Variants in EML5 observed in about 807,000 individuals in gnomAD.
The protein encoded by EML5 is EMAP like 5.
Under a neutral mutation model 250.0 loss-of-function variants are expected in EML5, and 120 were observed. That is an observed-to-expected ratio of 0.48 (90% confidence interval 0.41 to 0.56). The LOEUF (loss-of-function observed/expected upper bound fraction) is 0.56, where lower values mean the gene tolerates loss of function less well. Among genes scored for constraint, EML5 ranks in the 20% least tolerant of loss-of-function variants. EML5 has a pLI of 0.00. For synonymous variants in EML5, 771 were observed against 806.5 expected (o/e 0.96, Z 0.75); for missense variants, 2,006 against 2,437.6 (o/e 0.82, Z 3.73).
At chr14:88,730,262 C>G (rs1001476912) in intron 7 of EML5, among the ~76,000 whole-genome samples, 2 of 152,154 alleles carry the variant, frequency 1.3e-5, no homozygotes, top group Non-Finnish European at 2.9e-5. Flanking sequence ...AAGCACTCAT[C>G]ACAATTTTTC....
chr14:88,621,346 T>A lies in EML5; in HGVS notation c.5014-45A>T, dbSNP rs780451094. Reference sequence around the variant, plus strand: ...AATACAGTGAATGTAATACAACAGCTGCTTTTCTTCTTCATAATATAAAAA... The same window carrying A: ...AATACAGTGAATGTAATACAACAGCAGCTTTTCTTCTTCATAATATAAAAA... On this transcript the variant is annotated intron_variant, in intron 37 of 43. Transcript: ENST00000554922. 2.0e-5 allele frequency: 32 copies of A among 1,605,260 alleles called. No homozygotes were observed. The Admixed American group carries it at 2.0e-4, about 10-fold the overall frequency.
At chr14:88,761,041 T>C (rs1449390805) in intron 1 of EML5, among the ~76,000 whole-genome samples, 1 of 152,072 alleles carries the variant, frequency 6.6e-6, no homozygotes, top group African/African-American at 2.4e-5. Flanking sequence ...AGGAGTAGTG[T>C]TTTTTGTGTG....
intron 3 of EML5, among the ~76,000 whole-genome samples, chr14:88,745,116 G>A (rs2093984391): frequency 6.6e-6 from 1 of 150,994 alleles, no homozygotes; most frequent in Non-Finnish European, 1.5e-5. Context: ...GAACATGCCA[G>A]CTGTCTAATA....
rs778325916 is a variant in EML5, at chr14:88,625,116, C to T, written c.4752G>A (p.Thr1584=). The change falls in exon 36 of 44, where the codon ACG becomes ACA. Residue 1584 remains threonine (T), a synonymous_variant. Transcript: ENST00000554922. ...LAIAFGANNL[T]FTGTISGDVC... is the part of the protein sequence containing the mutation. ...CATCACCACTGATGGTACCTGTAAA[C>T]GTCAAGTTATTCTGAAAAGGAGTGG... The T allele has an allele frequency of 4.3e-6, 7 of 1,613,424 alleles. No individual in the cohort carries two copies. Among genetic ancestry groups the T allele is most frequent in the African/African-American group, 2.7e-5 (2 of 74,864 alleles).
chr14:88,733,620 T>C (rs1297241326), intron 7 of EML5, among the ~76,000 whole-genome samples: 2 of 152,122 alleles, frequency 1.3e-5, no homozygotes, highest in African/African-American at 4.8e-5. Context: ...CAGAGTGAGG[T>C]AAGGTGTAGC....
intron 7 of EML5, among the ~76,000 whole-genome samples, chr14:88,734,011 T>TAA (rs534801012): frequency 9.6e-5 from 14 of 145,128 alleles, no homozygotes; most frequent in East Asian, 4.0e-4. Flanking sequence ...CTACACGAAG[T>TAA]AAAAAAAAAA....
In EML5 at chr14:88,713,499, C is replaced by T. The variant is rs575291981; in HGVS notation, c.1445-1016G>A. Among the ~76,000 whole-genome samples, 108 of 152,232 alleles carry T rather than the reference C, an allele frequency of 7.1e-4. No individual in the cohort carries two copies. In the Middle Eastern group the frequency reaches 0.014, roughly 19 times the overall value. On this transcript the variant is annotated intron_variant, in intron 9 of 43. Transcript: ENST00000554922. ...TATTTACTTATTTGTTTAGTTAGAG[C>T]CACGATCTTGCTCTTTCACCCAGGC...
intron 27 of EML5, among the ~76,000 whole-genome samples, chr14:88,655,903 G>A (rs185584163): frequency 4.6e-5 from 7 of 152,086 alleles, no homozygotes; most frequent in Non-Finnish European, 1.0e-4. Context: ...AATGCAAATC[G>A]AAACCACAAT....
rs748057940 is a variant in EML5, at chr14:88,711,557, T to C, written c.1657+714A>G. The stretch of plus-strand genomic sequence containing the variant: ...TTCACTCACTATCACAACAGCAGCA[T>C]AGAGGAAACTGCCCCCATAATCCAA... On this transcript the variant is annotated intron_variant, in intron 10 of 43. Coordinates refer to ENST00000554922, the MANE Select transcript of EML5 (RefSeq NM_183387.3). Among the ~76,000 whole-genome samples the C allele has an allele frequency of 1.0e-3, 151 of 151,564 alleles. 1 individual carries two copies. Among genetic ancestry groups the C allele is most frequent in the Non-Finnish European group, 8.5e-4 (58 of 67,960 alleles).
intron 7 of EML5, among the ~76,000 whole-genome samples, chr14:88,733,372 G>A (rs2093790014): frequency 6.6e-6 from 1 of 152,216 alleles, no homozygotes. Flanking sequence ...TGGCTGGATA[G>A]CTCCTCACTA....
chr14:88,653,724 C>T (rs1152388), intron 27 of EML5, among the ~76,000 whole-genome samples: 4,086 of 152,128 alleles, frequency 0.027, 190 homozygotes, highest in African/African-American at 0.094. Context: ...ACTTTCACAT[C>T]GATGTTTACC....
At chr14:88,725,794 GA>G (rs1374353751) in intron 8 of EML5, among the ~76,000 whole-genome samples, 1 of 152,160 alleles carries the variant, frequency 6.6e-6, no homozygotes, top group Non-Finnish European at 1.5e-5. Context: ...GCCTACACAA[GA>G]GTACAATGGT....
rs771397054 is a variant in EML5 at position 88,706,265 on chromosome 14, G to A, written c.1819C>T (p.Pro607Ser). Residue 607 changes from proline (P) to serine (S), a missense_variant, in exon 11 of 44, where the codon CCC (proline) becomes TCC (serine). Pro to Ser is a moderately conservative substitution (Grantham distance 74). Around this residue, in one of 7 missense-constraint regions of EML5, gnomAD observed 1,375 missense variants for 1,590.3 expected, o/e 0.86. Coordinates refer to ENST00000554922, the MANE Select transcript of EML5 (RefSeq NM_183387.3). ...RKLKDAVHIA[P>S]QESLADSHSD... ...GCTAATGCATACTACTCACCTTGGG[G>A]TGCTATGTGAACAGCATCTTTCAGT... 2 of 1,602,606 alleles carry A rather than the reference G, an allele frequency of 1.2e-6. No homozygotes were observed. Among genetic ancestry groups the A allele is most frequent in the Admixed American group, 3.4e-5 (2 of 58,056 alleles).
At chr14:88,770,332 T>G (rs2094376971) in intron 1 of EML5, among the ~76,000 whole-genome samples, 1 of 152,214 alleles carries the variant, frequency 6.6e-6, no homozygotes, top group Non-Finnish European at 1.5e-5. Flanking sequence ...TGTGTTCTAT[T>G]TCCTATGCTT....
chr14:88,718,643 C>T (rs1036109834), intron 8 of EML5, among the ~76,000 whole-genome samples: 4 of 151,918 alleles, frequency 2.6e-5, no homozygotes, highest in African/African-American at 9.7e-5. Context: ...AAGCTGAAAG[C>T]AGAAGGCATA....
chr14:88,781,969 A>G (rs2094501634), intron 1 of EML5, among the ~76,000 whole-genome samples: 1 of 152,250 alleles, frequency 6.6e-6, no homozygotes, highest in African/African-American at 2.4e-5. Context: ...GGTAACAGGC[A>G]GAGGCTAGAA....
chr14:88,662,587 G>A (rs1239347675), intron 24 of EML5, among the ~76,000 whole-genome samples: 1 of 147,046 alleles, frequency 6.8e-6, no homozygotes, highest in Non-Finnish European at 1.5e-5. Context: ...TTGTCACCCA[G>A]GCTGGAGTGT....
chr14:88,755,812 G>A (rs1018015867), intron 1 of EML5, among the ~76,000 whole-genome samples: 14 of 152,000 alleles, frequency 9.2e-5, no homozygotes, highest in African/African-American at 3.4e-4. Context: ...GGGAAACACA[G>A]CAAACCATTG....
intron 28 of EML5, among the ~76,000 whole-genome samples, chr14:88,648,851 G>A (rs2140764822): frequency 6.6e-6 from 1 of 152,100 alleles, no homozygotes; most frequent in Non-Finnish European, 1.5e-5. Flanking sequence ...CATTTTAGAG[G>A]TTGCTTCATA....
Sources: gnomAD v4.1 joint callset for allele counts (sites outside exome capture counted in the v4.1 genomes callset) on GRCh38, gnomAD v4.1.1 for gene constraint, gnomAD v4.1.1 regional missense constraint, MANE v1.5 for transcripts, NCBI Gene and HGNC (gene_info 2026-07-23, HGNC 2026-07-21) for gene names.